The following NEGR1 variants were observed in gnomAD, a reference collection of about 807,000 sequenced individuals.
The protein encoded by NEGR1 is neuronal growth regulator 1, also known as IgLON family member 4.
NEGR1 carries 10 observed loss-of-function variants against 40.9 expected under a neutral mutation model. The observed-to-expected ratio is 0.24, with a 90% CI of 0.15 to 0.42. The LOEUF is 0.42. NEGR1 is among the 10% of genes least tolerant of loss of function. The probability of loss-of-function intolerance (pLI) is 1.00; values close to 1 mark genes in which losing one functional copy is unlikely to be tolerated. For missense variants in NEGR1, 352 were observed against 438.9 expected, an observed-to-expected ratio of 0.80 and a Z score of 1.77; for synonymous variants, 185 against 166.8, an observed-to-expected ratio of 1.11 and a Z score of -0.84.
chr1:72,032,664 T>A (rs1646869158), intron 1 of NEGR1, among the ~76,000 whole-genome samples: 1 of 152,202 alleles, frequency 6.6e-6, no homozygotes, highest in Non-Finnish European at 1.5e-5. Context: ...AGTTCTTACA[T>A]TCATACATAT....
chr1:71,923,749 A>C (rs1238662896), intron 2 of NEGR1, among the ~76,000 whole-genome samples: 1 of 152,066 alleles, frequency 6.6e-6, no homozygotes, highest in Non-Finnish European at 1.5e-5. Context: ...CTATCATTAA[A>C]TCCAGCCATT....
chr1:71,911,727 T>C (rs1661424612), intron 2 of NEGR1, among the ~76,000 whole-genome samples: 1 of 152,158 alleles, frequency 6.6e-6, no homozygotes, highest in South Asian at 2.1e-4. Context: ...AACAGGTATA[T>C]TGAGAAAGAA....
chr1:72,011,199 A>G (rs957085987), intron 1 of NEGR1, among the ~76,000 whole-genome samples: 2 of 152,098 alleles, frequency 1.3e-5, no homozygotes, highest in Non-Finnish European at 1.5e-5. Context: ...CTCTACCCAG[A>G]AAGAGGGCTT....
chr1:72,091,125 T>G, intron 1 of NEGR1, among the ~76,000 whole-genome samples: 1 of 152,108 alleles, frequency 6.6e-6, no homozygotes, highest in East Asian at 1.9e-4. Context: ...CTCTAGACAT[T>G]TAGACTCATT....
chr1:71,496,338 T>C (rs576062596), intron 6 of NEGR1, among the ~76,000 whole-genome samples: 6 of 152,088 alleles, frequency 3.9e-5, no homozygotes, highest in African/African-American at 1.4e-4. Flanking sequence ...CTAGAAGGAA[T>C]TGGAGGAAGA....
At chr1:71,407,629 CA>C in intron 6 of NEGR1, 59 bp from the exon 7 acceptor site, 1 of 1,570,560 alleles carries the variant, frequency 6.4e-7, no homozygotes, top group Non-Finnish European at 8.7e-7. Flanking sequence ...AGGATCTTGA[CA>C]ATAATCAAAA....
chr1:71,441,191 G>C (rs1414270198), intron 6 of NEGR1, among the ~76,000 whole-genome samples: 1 of 152,216 alleles, frequency 6.6e-6, no homozygotes, highest in African/African-American at 2.4e-5. Context: ...AACAATGTGT[G>C]AGTGGTCAAC....
At chr1:71,626,709 A>T (rs1401442263) in intron 4 of NEGR1, among the ~76,000 whole-genome samples, 7 of 152,028 alleles carry the variant, frequency 4.6e-5, no homozygotes, top group South Asian at 2.1e-4. Context: ...ACAGGCAACC[A>T]ACAGAATGGG....
chr1:72,055,504 C>T (rs542377218), intron 1 of NEGR1, among the ~76,000 whole-genome samples: 35 of 150,926 alleles, frequency 2.3e-4, no homozygotes, highest in African/African-American at 8.2e-4. Flanking sequence ...GTTTTAACTT[C>T]ATTAACAAGA....
intron 2 of NEGR1, among the ~76,000 whole-genome samples, chr1:71,856,701 G>A (rs1383249704): frequency 6.6e-6 from 1 of 151,972 alleles, no homozygotes; most frequent in East Asian, 1.9e-4. Context: ...TTTATTGTCT[G>A]TCATTATGCT....
intron 1 of NEGR1, among the ~76,000 whole-genome samples, chr1:71,993,877 G>A (rs1319685557): frequency 6.6e-6 from 1 of 152,078 alleles, no homozygotes; most frequent in Non-Finnish European, 1.5e-5. Flanking sequence ...TAACCCTGGA[G>A]ATACTCTCCA....
At chr1:71,708,594 G>C (rs1653979401) in intron 3 of NEGR1, among the ~76,000 whole-genome samples, 1 of 136,592 alleles carries the variant, frequency 7.3e-6, no homozygotes, top group East Asian at 2.8e-4. Context: ...TTATATTACA[G>C]AGTTTTTATT....
At chr1:71,654,028 T>C (rs1016699292) in intron 4 of NEGR1, among the ~76,000 whole-genome samples, 7 of 152,148 alleles carry the variant, frequency 4.6e-5, no homozygotes, top group Non-Finnish European at 1.0e-4. Flanking sequence ...AGATGAGCTA[T>C]GAAGGTATAA....
intron 6 of NEGR1, among the ~76,000 whole-genome samples, chr1:71,533,407 T>G (rs1647415800): frequency 6.6e-6 from 1 of 151,624 alleles, no homozygotes. Context: ...AATCTCATTA[T>G]TCACTAACAT....
intron 1 of NEGR1, among the ~76,000 whole-genome samples, chr1:72,226,198 C>A (rs1206892406): frequency 6.6e-6 from 1 of 151,758 alleles, no homozygotes; most frequent in Admixed American, 6.6e-5. Flanking sequence ...GTCTGGATTT[C>A]TTATTGTTAA....
At chr1:71,570,643 C>CATT (rs1648779215) in intron 6 of NEGR1, among the ~76,000 whole-genome samples, 1 of 89,376 alleles carries the variant, frequency 1.1e-5, no homozygotes. Flanking sequence ...TATACTGGGT[C>CATT]CTTATTATTA....
intron 6 of NEGR1, among the ~76,000 whole-genome samples, chr1:71,575,788 AAAAACAAAAACAAAACAAAAC>A (rs1648946806): frequency 8.8e-6 from 1 of 113,120 alleles, no homozygotes; most frequent in African/African-American, 3.1e-5. Flanking sequence ...GGCTCAAAAC[AAAAACAAAAACAAAACAAAAC>A]AAAACAAAAA....
intron 6 of NEGR1, among the ~76,000 whole-genome samples, chr1:71,450,854 C>A (rs983130393): frequency 6.6e-6 from 1 of 151,744 alleles, no homozygotes; most frequent in Non-Finnish European, 1.5e-5. Flanking sequence ...ATAAGGGTAA[C>A]TTTTTCTTTT....
chr1:71,582,553 A>C (rs1649173946), intron 6 of NEGR1, among the ~76,000 whole-genome samples: 1 of 152,092 alleles, frequency 6.6e-6, no homozygotes, highest in Non-Finnish European at 1.5e-5. Flanking sequence ...ATTTTAGTAC[A>C]CATATGGAAG....
Sources: allele counts gnomAD v4.1 joint callset (sites outside exome capture counted in the v4.1 genomes callset), GRCh38; gene constraint gnomAD v4.1.1; transcripts MANE v1.5; gene names NCBI Gene and HGNC (gene_info 2026-07-23, HGNC 2026-07-21).